The following HPSE2 variants were observed in gnomAD, a reference collection of about 807,000 sequenced individuals.
The protein encoded by HPSE2 is heparanase 2 (inactive), also known as inactive heparanase-2.
Under a neutral mutation model 60.5 loss-of-function variants are expected in HPSE2, and 38 were observed. The ratio of observed to expected loss-of-function variants is 0.63; its 90% CI spans 0.48 to 0.82. The LOEUF is 0.82. Ranked by LOEUF, HPSE2 falls within the 40% of genes least tolerant of loss-of-function variation. HPSE2 has a pLI of 0.00. For synonymous variants in HPSE2, 295 were observed against 293.2 expected (o/e 1.01, Z -0.06); for missense variants, 713 against 740.4 (o/e 0.96, Z 0.43).
chr10:98,592,540 A>C lies in HPSE2; in HGVS notation c.1320+22364T>G, dbSNP rs184017219. On this transcript the variant is annotated intron_variant, in intron 9 of 11. Coordinates refer to ENST00000370552, the MANE Select transcript of HPSE2 (RefSeq NM_021828.5). Reference sequence around the variant, plus strand: ...ACCCCCTGGATAATTTATCTATTGCATTATTATGTGCAGTTAAAGAAGTAA... The same window carrying C: ...ACCCCCTGGATAATTTATCTATTGCCTTATTATGTGCAGTTAAAGAAGTAA... Among the ~76,000 whole-genome samples the C allele has an allele frequency of 7.4e-4, 112 of 152,242 alleles. No individual in the cohort carries two copies. In the East Asian group the frequency reaches 0.018, roughly 24 times the overall value.
intron 6 of HPSE2, among the ~76,000 whole-genome samples, chr10:98,688,953 G>C (rs1022403949): frequency 2.7e-5 from 4 of 150,340 alleles, no homozygotes; most frequent in Admixed American, 2.0e-4. Flanking sequence ...CATTGTTTCT[G>C]ATGTCAAATA....
rs541130166 is a variant in HPSE2 at position 99,115,696 on chromosome 10, G to A, written c.610+28542C>T. ...CCTTTTTCCCATATTGTTTTTTTCTGATCATATGTATAAAATACAATTTTA... is the reference window on the plus strand; with the variant it reads ...CCTTTTTCCCATATTGTTTTTTTCTAATCATATGTATAAAATACAATTTTA... On this transcript the variant is annotated intron_variant, in intron 3 of 11. Transcript: ENST00000370552. Among the ~76,000 whole-genome samples, 10 of 151,928 alleles carry A rather than the reference G, an allele frequency of 6.6e-5. No homozygotes were observed. The East Asian group carries it at 1.9e-3, about 29-fold the overall frequency.
At chr10:99,297,224 C>A in the HPSE2 span, among the ~76,000 whole-genome samples, 1 of 152,152 alleles carries the variant, frequency 6.6e-6, no homozygotes, top group South Asian at 2.1e-4. Flanking sequence ...TCATGTGACA[C>A]CCGCCCCTCC....
At chr10:99,204,275 A>G (rs1275608473) in intron 2 of HPSE2, among the ~76,000 whole-genome samples, 1 of 152,088 alleles carries the variant, frequency 6.6e-6, no homozygotes, top group African/African-American at 2.4e-5. Context: ...AACCCCATGT[A>G]ACCAGGTCCC....
chr10:98,828,263 G>A (rs1282901371), intron 3 of HPSE2, among the ~76,000 whole-genome samples: 1 of 152,186 alleles, frequency 6.6e-6, no homozygotes, highest in Non-Finnish European at 1.5e-5. Flanking sequence ...GAATGTTCAT[G>A]TATATTGTCT....
intron 2 of HPSE2, among the ~76,000 whole-genome samples, chr10:99,156,545 C>T (rs1053471273): frequency 1.2e-4 from 16 of 130,990 alleles, no homozygotes; most frequent in Non-Finnish European, 2.7e-4. Context: ...TGACAAAATT[C>T]AACAACCCTT....
the HPSE2 span, among the ~76,000 whole-genome samples, chr10:99,246,002 A>C: frequency 6.6e-6 from 1 of 152,248 alleles, no homozygotes; most frequent in Non-Finnish European, 1.5e-5. Flanking sequence ...GGTGAGAAAC[A>C]CGCAAAACCA....
At chr10:98,697,173 G>A (rs182365017) in intron 5 of HPSE2, among the ~76,000 whole-genome samples, 9 of 152,308 alleles carry the variant, frequency 5.9e-5, no homozygotes, top group Admixed American at 4.6e-4. Context: ...GACAGAAGTA[G>A]GCTTCATTCA....
intron 2 of HPSE2, among the ~76,000 whole-genome samples, chr10:99,165,912 T>A (rs1268195243): frequency 6.6e-6 from 1 of 152,102 alleles, no homozygotes; most frequent in Non-Finnish European, 1.5e-5. Flanking sequence ...AATAATATGA[T>A]CACCCTAAAA....
intron 9 of HPSE2, among the ~76,000 whole-genome samples, chr10:98,495,831 A>T (rs1941818184): frequency 6.6e-6 from 1 of 152,148 alleles, no homozygotes; most frequent in Non-Finnish European, 1.5e-5. Flanking sequence ...ATTGGTTTAA[A>T]GTCTTTGCTT....
chr10:98,938,831 G>A (rs1185077038), intron 3 of HPSE2, among the ~76,000 whole-genome samples: 2 of 143,986 alleles, frequency 1.4e-5, no homozygotes, highest in African/African-American at 5.7e-5. Context: ...AGGGCAGACA[G>A]AGAGAAAGGT....
At chr10:99,044,422 C>G (rs931029654) in intron 3 of HPSE2, among the ~76,000 whole-genome samples, 1 of 152,174 alleles carries the variant, frequency 6.6e-6, no homozygotes, top group African/African-American at 2.4e-5. Flanking sequence ...ACATATGCCA[C>G]AGGCACTATA....
the HPSE2 span, among the ~76,000 whole-genome samples, chr10:99,282,368 C>A: frequency 2.6e-5 from 4 of 152,022 alleles, no homozygotes; most frequent in African/African-American, 7.2e-5. Context: ...AGTCCCAAAA[C>A]AAATAAAGCA....
chr10:98,755,265 A>C (rs1180170535), intron 3 of HPSE2, among the ~76,000 whole-genome samples: 1 of 152,224 alleles, frequency 6.6e-6, no homozygotes, highest in African/African-American at 2.4e-5. Context: ...CAATGATCAG[A>C]AAAGGCAAAG....
rs1350085968 is a variant in HPSE2 at position 99,208,689 on chromosome 10, AATAAAAAT to A, written c.448+23651_448+23658del. Among the ~76,000 whole-genome samples, 47 of 149,612 alleles carry A rather than the reference AATAAAAAT, an allele frequency of 3.1e-4. 1 individual carries two copies. The highest frequency in any genetic ancestry group is 6.4e-4 in the Non-Finnish European group (43 of 67,522). ...GACAGAGTGAGATCCAGTCTCAAAA[AATAAAAAT>A]AAAAAAAAAAAGACATAGAGTGACT... On this transcript the variant is annotated intron_variant, in intron 2 of 11. Coordinates refer to ENST00000370552, the MANE Select transcript of HPSE2 (RefSeq NM_021828.5).
intron 3 of HPSE2, among the ~76,000 whole-genome samples, chr10:98,895,575 A>G (rs1301113221): frequency 2.6e-5 from 4 of 152,170 alleles, no homozygotes; most frequent in Non-Finnish European, 5.9e-5. Flanking sequence ...TGTCAACCAA[A>G]GGAACTTCAC....
chr10:98,940,516 T>C (rs1289654201), intron 3 of HPSE2, among the ~76,000 whole-genome samples: 4 of 143,642 alleles, frequency 2.8e-5, no homozygotes, highest in Non-Finnish European at 6.0e-5. Context: ...ACATACACCC[T>C]CCCAAGACTA....
intron 3 of HPSE2, among the ~76,000 whole-genome samples, chr10:99,027,300 T>C (rs1957399516): frequency 6.7e-6 from 1 of 149,580 alleles, no homozygotes; most frequent in Admixed American, 6.7e-5. Flanking sequence ...CAAGTGATAC[T>C]GCAGAAATCC....
intron 1 of HPSE2, among the ~76,000 whole-genome samples, chr10:99,232,974 C>G (rs1849714950): frequency 1.3e-5 from 2 of 152,282 alleles, no homozygotes; most frequent in Admixed American, 1.3e-4. Context: ...GCCTCCGCAG[C>G]CCCAGGGGCC....
Sources: allele counts gnomAD v4.1 joint callset (sites outside exome capture counted in the v4.1 genomes callset), GRCh38; gene constraint gnomAD v4.1.1; transcripts MANE v1.5; gene names NCBI Gene and HGNC (gene_info 2026-07-23, HGNC 2026-07-21).